The following GALNT2 variants were observed in gnomAD, a reference collection of about 807,000 sequenced individuals.
The protein encoded by GALNT2 is UDP-GalNAc:polypeptide N-acetylgalactosaminyltransferase 2.
A neutral mutation model predicts 81.4 loss-of-function variants in GALNT2; 31 were observed. The observed-to-expected ratio is 0.38, with a 90% CI of 0.29 to 0.51. GALNT2 has a LOEUF of 0.51. Among genes scored for constraint, GALNT2 ranks in the 20% least tolerant of loss-of-function variants. GALNT2 has a pLI of 0.87. For missense variants in GALNT2, 629 were observed against 765.7 expected (o/e 0.82, Z 2.11); for synonymous variants, 303 against 287.4 (o/e 1.05, Z -0.55).
chr1:230,112,796 G>T (rs112602089), intron 1 of GALNT2, among the ~76,000 whole-genome samples: 5 of 151,382 alleles, frequency 3.3e-5, no homozygotes, highest in Non-Finnish European at 7.4e-5. Flanking sequence ...GTGTGGCAGG[G>T]GGGTGGGGGG....
At chr1:230,064,728 T>C (rs1571918274), upstream of GALNT2, among the ~76,000 whole-genome samples, 1 of 152,290 alleles carries the variant, frequency 6.6e-6, no homozygotes, top group East Asian at 1.9e-4. Flanking sequence ...GCCAGGCTGG[T>C]CTTGAACTCC....
At chr1:230,129,053 G>A (rs375781846) in intron 1 of GALNT2, among the ~76,000 whole-genome samples, 31 of 152,350 alleles carry the variant, frequency 2.0e-4, no homozygotes, top group African/African-American at 4.6e-4. Context: ...AAATGCCGCC[G>A]CTAGCGACGC....
At chr1:230,159,104 A>C (rs1662350318) in intron 1 of GALNT2, among the ~76,000 whole-genome samples, 1 of 152,138 alleles carries the variant, frequency 6.6e-6, no homozygotes, top group Non-Finnish European at 1.5e-5. Flanking sequence ...AAAAGCGTAC[A>C]CTTTAACCTG....
At chr1:230,125,394 A>T (rs1035227501) in intron 1 of GALNT2, among the ~76,000 whole-genome samples, 9 of 152,234 alleles carry the variant, frequency 5.9e-5, no homozygotes, top group Non-Finnish European at 1.0e-4. Flanking sequence ...CCCCTCCCTC[A>T]GGAGTGTAGC....
upstream of GALNT2, among the ~76,000 whole-genome samples, chr1:230,064,456 T>C (rs1253401096): frequency 6.6e-6 from 1 of 152,236 alleles, no homozygotes; most frequent in Non-Finnish European, 1.5e-5. Context: ...AATTTTTGCA[T>C]TCAGGTCATA....
chr1:230,079,065 AG>A (rs1659651147), intron 1 of GALNT2, among the ~76,000 whole-genome samples: 1 of 152,230 alleles, frequency 6.6e-6, no homozygotes. Flanking sequence ...CATGCTAGGC[AG>A]CTTTGCTTGT....
At chr1:230,276,475 G>A (rs762386048) in intron 15 of GALNT2, among the ~76,000 whole-genome samples, 1 of 152,148 alleles carries the variant, frequency 6.6e-6, no homozygotes, top group African/African-American at 2.4e-5. Context: ...GTCTAACCCT[G>A]ATTTCACAAC....
rs1666368227 is a variant in GALNT2, at chr1:230,279,126, CTGT to C, written c.1561-176_1561-174del. On this transcript the variant is annotated intron_variant, in intron 15 of 15. Transcript: ENST00000366672. The surrounding 1 kb of genome is among the most constrained non-coding windows in gnomAD (Gnocchi z 4.6). Reference sequence around the variant, plus strand: ...TTTCCTTCCTGGGTCCCAGCAGCACCTGTGGCTGGTTTCCTGTGGGGCTGCTGC... The same window carrying C: ...TTTCCTTCCTGGGTCCCAGCAGCACCGGCTGGTTTCCTGTGGGGCTGCTGC... Among the ~76,000 whole-genome samples, 1 of 152,230 alleles carries C rather than the reference CTGT, an allele frequency of 6.6e-6. No homozygotes were observed. The highest frequency in any genetic ancestry group is 1.5e-5 in the Non-Finnish European group (1 of 68,036).
At chr1:230,263,358 C>G (rs1255593577) in intron 13 of GALNT2, 2 of 246,820 alleles carry the variant, frequency 8.1e-6, no homozygotes, top group Non-Finnish European at 1.6e-5. Context: ...AGTCCCCAGC[C>G]TCCGCAAGCA....
At chr1:230,075,552 C>T (rs1659518908) in intron 1 of GALNT2, among the ~76,000 whole-genome samples, 1 of 152,224 alleles carries the variant, frequency 6.6e-6, no homozygotes, top group Admixed American at 6.5e-5. Flanking sequence ...GGCTCTGGTT[C>T]TTTTCATTTA....
chr1:230,136,948 C>T (rs10864705), intron 1 of GALNT2, among the ~76,000 whole-genome samples: 62,029 of 151,932 alleles, frequency 0.41, 13,397 homozygotes, highest in African/African-American at 0.55. Context: ...TCACGGACAG[C>T]GAAGCCAGAC....
intron 1 of GALNT2, among the ~76,000 whole-genome samples, chr1:230,160,891 T>G (rs1008775664): frequency 2.0e-5 from 3 of 152,142 alleles, no homozygotes; most frequent in East Asian, 1.9e-4. Flanking sequence ...AAACTGTGGA[T>G]AGTACTAGAT....
At chr1:230,208,842 C>T (rs1006136053) in intron 3 of GALNT2, among the ~76,000 whole-genome samples, 3 of 151,982 alleles carry the variant, frequency 2.0e-5, no homozygotes, top group African/African-American at 7.3e-5. Context: ...CCACCCAGAG[C>T]GAAGATGGAA....
chr1:230,181,415 G>A (rs1329505497), intron 2 of GALNT2, among the ~76,000 whole-genome samples: 2 of 152,192 alleles, frequency 1.3e-5, no homozygotes, highest in South Asian at 2.1e-4. Flanking sequence ...CATTTGTTGA[G>A]CCACTGTTGC....
chr1:230,234,786 G>A (rs1187912776), intron 3 of GALNT2, among the ~76,000 whole-genome samples: 1 of 152,196 alleles, frequency 6.6e-6, no homozygotes, highest in Non-Finnish European at 1.5e-5. Context: ...GTACTAGGAT[G>A]CTCTTAGGTC....
intron 1 of GALNT2, among the ~76,000 whole-genome samples, chr1:230,166,724 C>T (rs1009421966): frequency 3.3e-5 from 5 of 152,192 alleles, no homozygotes; most frequent in South Asian, 2.1e-4. Flanking sequence ...TTCCCTTTTC[C>T]CAAAATCCAG....
At chr1:230,075,194 C>T (rs999819847) in intron 1 of GALNT2, among the ~76,000 whole-genome samples, 21 of 139,850 alleles carry the variant, frequency 1.5e-4, no homozygotes, top group East Asian at 8.7e-4. Flanking sequence ...GGCACAATCT[C>T]GGCTCACTGC....
chr1:230,107,876 A>G (rs534787183), intron 1 of GALNT2, among the ~76,000 whole-genome samples: 49 of 152,314 alleles, frequency 3.2e-4, no homozygotes, highest in African/African-American at 1.1e-3. Context: ...CAGGGAGGCC[A>G]TGCTGTGAGT....
intron 3 of GALNT2, among the ~76,000 whole-genome samples, chr1:230,228,659 C>G (rs1038491987): frequency 2.0e-5 from 3 of 151,906 alleles, no homozygotes; most frequent in African/African-American, 7.2e-5. Context: ...GTGTGTAACC[C>G]TGCACCCATA....
Sources: allele counts gnomAD v4.1 joint callset (sites outside exome capture counted in the v4.1 genomes callset), GRCh38; gene constraint gnomAD v4.1.1; non-coding constraint Gnocchi (gnomAD v3.1); transcripts MANE v1.5; gene names NCBI Gene and HGNC (gene_info 2026-07-23, HGNC 2026-07-21).